PFKFB2: variants seen among roughly 807,000 people sequenced by gnomAD.
PFKFB2 encodes the protein 6-phosphofructo-2-kinase/fructose-2,6-bisphosphatase 2.
In PFKFB2, 53 loss-of-function variants were observed where a neutral mutation model predicts 68.0. The observed-to-expected ratio is 0.78, with a 90% confidence interval of 0.63 to 0.98. The LOEUF (loss-of-function observed/expected upper bound fraction) is 0.98, where lower values mean the gene tolerates loss of function less well. PFKFB2 is among the 50% of genes least tolerant of loss of function. The pLI is 0.00. For synonymous variants in PFKFB2, 222 were observed against 227.6 expected (o/e 0.98, Z 0.22); for missense variants, 451 against 642.0 (o/e 0.70, Z 3.22).
chr1:207,046,893 GTT>G (rs1312120439), intron 2 of PFKFB2: 1 of 152,048 alleles, frequency 6.6e-6, no homozygotes, highest in Non-Finnish European at 1.5e-5. Context: ...ATAAATATTT[GTT>G]GCACGAATAA....
Position 207,072,843 on chromosome 1 carries a change from T to TTGAC in PFKFB2, c.*475_*478dup. ...TGTGTGTTTTCCTCACACTCCTTAC[T>TTGAC]TGACTGCTTTCTTCCCCCACTTTCA... On this transcript the variant is annotated 3_prime_UTR_variant, in exon 15 of 15. Transcript: ENST00000367080. The TTGAC allele has an allele frequency of 2.0e-6, 2 of 990,348 alleles. No homozygotes were observed. Among genetic ancestry groups the TTGAC allele is most frequent in the Non-Finnish European group, 2.4e-6 (2 of 833,256 alleles). The allele number at this position is 990,348 out of a possible 1,614,324, so 61.3% of individuals were successfully genotyped here.
chr1:207,068,158 C>T lies in PFKFB2; in HGVS notation c.841-5C>T, dbSNP rs1683356938. Reference sequence around the variant, plus strand: ...TTACCCTTAATTTTCATTTTTAAACCCCAGTTTGCCCAAGCTCTAAGGAAA... The same window carrying T: ...TTACCCTTAATTTTCATTTTTAAACTCCAGTTTGCCCAAGCTCTAAGGAAA... On this transcript the variant is annotated splice_polypyrimidine_tract_variant and splice_region_variant and intron_variant, in intron 9 of 14. Coordinates refer to ENST00000367080, the MANE Select transcript of PFKFB2 (RefSeq NM_006212.2). 1 of 1,600,344 alleles carries T rather than the reference C, an allele frequency of 6.2e-7. No homozygotes were observed. Among genetic ancestry groups the T allele is most frequent in the Admixed American group, 1.8e-5 (1 of 56,548 alleles).
At chr1:207,039,774 G>A (rs1213885614) in intron 1 of PFKFB2, among the ~76,000 whole-genome samples, 1 of 151,746 alleles carries the variant, frequency 6.6e-6, no homozygotes, top group Non-Finnish European at 1.5e-5. Context: ...GCAGTGTAGA[G>A]CCAAAAAGAT....
downstream of PFKFB2, chr1:207,079,446 C>T (rs946630056): frequency 1.0e-5 from 2 of 196,028 alleles, no homozygotes; most frequent in Admixed American, 5.5e-5. Context: ...CTGTTCCAGG[C>T]GAGCAGGCTA....
downstream of PFKFB2, chr1:207,078,933 C>G (rs1683697126): frequency 5.0e-6 from 8 of 1,606,704 alleles, no homozygotes; most frequent in South Asian, 1.1e-5. Context: ...AGCTTTGTGT[C>G]TCTTCCTCTC....
Position 207,077,611 on chromosome 1 carries a change from A to AAG in PFKFB2, c.*5245_*5246dup. ...AATGGGTCAGATTGGGAAGCCTAGG[A>AAG]AGAGAGTTCTACTGTAGATTTCCTA... On this transcript the variant is annotated 3_prime_UTR_variant, in exon 15 of 15. Transcript: ENST00000367080. 4.1e-6 allele frequency: 4 copies of AAG among 985,774 alleles called. No individual in the cohort carries two copies. In the East Asian group the frequency reaches 3.4e-4, roughly 84 times the overall value. The allele number at this position is 985,774 out of a possible 1,614,324, so 61.1% of individuals were successfully genotyped here.
chr1:207,072,191 C>T lies in PFKFB2; in HGVS notation c.1351-13C>T. ...GGCTTTCATTTGTGTGGTGTCACTC[C>T]ATTTCCAATCAGAACAACTTCCCCA... On this transcript the variant is annotated splice_polypyrimidine_tract_variant and intron_variant, in intron 14 of 14. Coordinates refer to ENST00000367080, the MANE Select transcript of PFKFB2 (RefSeq NM_006212.2). The T allele has an allele frequency of 1.2e-6, 2 of 1,612,576 alleles. No homozygotes were observed. The highest frequency in any genetic ancestry group is 1.7e-6 in the Non-Finnish European group (2 of 1,179,280).
At chr1:207,050,876 T>C, upstream of PFKFB2, 1 of 1,609,316 alleles carries the variant, frequency 6.2e-7, no homozygotes, top group Non-Finnish European at 8.5e-7. Flanking sequence ...GTCCTTGGCC[T>C]TGCAGCGGAG....
rs1269590255 is a variant in PFKFB2 at position 207,074,312 on chromosome 1, A to G, written c.*1941A>G. On this transcript the variant is annotated 3_prime_UTR_variant, in exon 15 of 15. Coordinates refer to ENST00000367080, the MANE Select transcript of PFKFB2 (RefSeq NM_006212.2). ...TGAGCAGATCATAATGTTAAATGATATAACCCCCTGGAAGGCAGGCTGCTG... is the reference window on the plus strand; with the variant it reads ...TGAGCAGATCATAATGTTAAATGATGTAACCCCCTGGAAGGCAGGCTGCTG... The G allele has an allele frequency of 2.4e-5, 24 of 985,354 alleles. No homozygotes were observed. The highest frequency in any genetic ancestry group is 2.7e-5 in the Non-Finnish European group (22 of 829,942). 61.0% of individuals were successfully genotyped at this position (985,354 alleles called of 1,614,324 possible). A position where few individuals can be genotyped will look rare whatever the true frequency, so the allele number is the denominator to read the frequency against.
intron 2 of PFKFB2, chr1:207,045,021 T>A (rs1479617727): frequency 6.6e-6 from 1 of 152,524 alleles, no homozygotes; most frequent in Non-Finnish European, 1.5e-5. Context: ...TTATGTGGAA[T>A]GAAATGTGCT....
chr1:207,050,750 G>A (rs773378962), upstream of PFKFB2: 1 of 1,613,298 alleles, frequency 6.2e-7, no homozygotes, highest in African/African-American at 1.3e-5. Context: ...GCACTCGGGA[G>A]GGTATCCGAC....
In PFKFB2 at chr1:207,042,904, T is replaced by C. The variant is rs1172679701; in HGVS notation, c.-18+692T>C. Among the ~76,000 whole-genome samples the C allele has an allele frequency of 1.3e-5, 2 of 152,102 alleles. 1 individual carries two copies. The highest frequency in any genetic ancestry group is 6.3e-3 in the Middle Eastern group (2 of 316). On this transcript the variant is annotated intron_variant, in intron 2 of 5. Transcript: ENST00000545806. The stretch of plus-strand genomic sequence containing the variant: ...AAACTTAATAACTGTAAGTGGTGAG[T>C]GAAAATGAATTGCATGAGGCTAAGG...
At chr1:207,064,521 C>T (rs1683222284) in intron 7 of PFKFB2, among the ~76,000 whole-genome samples, 1 of 152,214 alleles carries the variant, frequency 6.6e-6, no homozygotes, top group Non-Finnish European at 1.5e-5. Context: ...ACATTGAGCT[C>T]CTTATTCCCT....
At chr1:207,053,732 G>T (rs922856431) in intron 1 of PFKFB2, among the ~76,000 whole-genome samples, 2 of 152,134 alleles carry the variant, frequency 1.3e-5, no homozygotes, top group African/African-American at 4.8e-5. Context: ...ACTGAGTCCC[G>T]GGGGTAACTA....
In PFKFB2 at chr1:207,037,874, A is replaced by G. The variant is rs1246648462; in HGVS notation, c.-62+3402A>G. On this transcript the variant is annotated intron_variant, in intron 1 of 5. Coordinates refer to the PFKFB2 transcript ENST00000545806. ...TATCTATAAAATAGAGATGATAATA[A>G]TAGCACATAACTTATAGAGTTATTG... 2.0e-5 allele frequency among the ~76,000 whole-genome samples: 3 copies of G among 152,250 alleles called. No individual in the cohort carries two copies. The East Asian group carries it at 5.8e-4, about 29-fold the overall frequency.
In PFKFB2 at chr1:207,075,030, C is replaced by G. The variant is rs1202394396; in HGVS notation, c.*2659C>G. 1.1e-5 allele frequency: 11 copies of G among 985,312 alleles called. No individual in the cohort carries two copies. Among genetic ancestry groups the G allele is most frequent in the Non-Finnish European group, 1.1e-5 (9 of 829,970 alleles). The allele number at this position is 985,312 out of a possible 1,614,324, so 61.0% of individuals were successfully genotyped here. Reference sequence around the variant, plus strand: ...TCTGTAGCCCAAATGGGCATTCAGTCTTTTCTTCTGCTGTGAGGTAAGAGT... The same window carrying G: ...TCTGTAGCCCAAATGGGCATTCAGTGTTTTCTTCTGCTGTGAGGTAAGAGT... On this transcript the variant is annotated 3_prime_UTR_variant, in exon 15 of 15. Coordinates refer to ENST00000367080, the MANE Select transcript of PFKFB2 (RefSeq NM_006212.2).
rs1281108678 is a variant in PFKFB2, at chr1:207,072,613, G to A, written c.*242G>A. ...CAAGTTAGCAAATTGAGTCTTTTAG[G>A]ACAGATTCTCAGATGGGATGATCTG... On this transcript the variant is annotated 3_prime_UTR_variant, in exon 15 of 15. Coordinates refer to ENST00000367080, the MANE Select transcript of PFKFB2 (RefSeq NM_006212.2). 7.8e-7 allele frequency: 1 copy of A among 1,283,022 alleles called. No individual in the cohort carries two copies. Among genetic ancestry groups the A allele is most frequent in the Non-Finnish European group, 9.9e-7 (1 of 1,013,546 alleles). The allele number at this position is 1,283,022 out of a possible 1,614,324, so 79.5% of individuals were successfully genotyped here.
chr1:207,036,610 T>C (rs1572703681), intron 1 of PFKFB2, among the ~76,000 whole-genome samples: 1 of 152,348 alleles, frequency 6.6e-6, no homozygotes, highest in East Asian at 1.9e-4. Flanking sequence ...ATGACAACAG[T>C]AGTCAAGAGG....
At chr1:207,069,381 T>C in intron 10 of PFKFB2, 43 bp from the exon 11 acceptor site, 1 of 1,318,686 alleles carries the variant, frequency 7.6e-7, no homozygotes, top group East Asian at 2.3e-5. Flanking sequence ...GCTGGTGTGG[T>C]ACAGTCTATC....
Sources: allele counts gnomAD v4.1 joint callset (sites outside exome capture counted in the v4.1 genomes callset), GRCh38; gene constraint gnomAD v4.1.1; transcripts MANE v1.5; gene names NCBI Gene and HGNC (gene_info 2026-07-23, HGNC 2026-07-21).